CACNB2: variants seen among roughly 807,000 people sequenced by gnomAD.
CACNB2 encodes voltage-dependent L-type calcium channel subunit beta-2.
A neutral mutation model predicts 73.3 loss-of-function variants in CACNB2; 42 were observed. The observed-to-expected ratio is 0.57, with a 90% CI of 0.45 to 0.74. The LOEUF is 0.74. Ranked by LOEUF, CACNB2 falls within the 30% of genes least tolerant of loss-of-function variation. The pLI is 0.00. For missense variants in CACNB2, 940 were observed against 853.0 expected, an observed-to-expected ratio of 1.10 and a Z score of -1.27; for synonymous variants, 348 against 310.3, an observed-to-expected ratio of 1.12 and a Z score of -1.28.
intron 3 of CACNB2, among the ~76,000 whole-genome samples, chr10:18,442,578 G>A: frequency 6.6e-6 from 1 of 151,660 alleles, no homozygotes; most frequent in East Asian, 2.0e-4. Flanking sequence ...TGTAATCCCA[G>A]CACTTTGGGA....
chr10:18,244,372 C>T (rs887886863), intron 2 of CACNB2, among the ~76,000 whole-genome samples: 1 of 152,212 alleles, frequency 6.6e-6, no homozygotes. Flanking sequence ...TTAGAATCAT[C>T]AACCGCTTCT....
At chr10:18,153,328 G>T (rs1192613218) in intron 2 of CACNB2, among the ~76,000 whole-genome samples, 3 of 152,038 alleles carry the variant, frequency 2.0e-5, no homozygotes, top group Non-Finnish European at 2.9e-5. Flanking sequence ...TCAAATGCTG[G>T]CTTGCATCTG....
At chr10:18,271,047 T>A (rs117609140) in intron 2 of CACNB2, among the ~76,000 whole-genome samples, 3 of 152,338 alleles carry the variant, frequency 2.0e-5, no homozygotes, top group Non-Finnish European at 4.4e-5. Context: ...CTTCATTGAT[T>A]TATGTGATAT....
Position 18,341,873 on chromosome 10 carries a change from T to C in CACNB2, c.214-60051T>C, listed in dbSNP as rs537678360. ...AACTGAGATACTTTTTATGTGATTT[T>C]GATGATTCTTTTATTAGATTTTACT... On this transcript the variant is annotated intron_variant, in intron 2 of 13. Transcript: ENST00000324631. Among the ~76,000 whole-genome samples the C allele has an allele frequency of 7.9e-5, 12 of 152,350 alleles. No homozygotes were observed. The East Asian group carries it at 2.1e-3, about 27-fold the overall frequency.
Position 18,147,907 on chromosome 10 carries a change from A to G in CACNB2, c.121-2976A>G, listed in dbSNP as rs111650427. On this transcript the variant is annotated intron_variant, in intron 1 of 13. Transcript: ENST00000324631. Reference sequence around the variant, plus strand: ...TCGAGCAAGATGGACTTAATTTTAAATACACATTAGATTAAAATAAATTTA... The same window carrying G: ...TCGAGCAAGATGGACTTAATTTTAAGTACACATTAGATTAAAATAAATTTA... 3.7e-3 allele frequency among the ~76,000 whole-genome samples: 560 copies of G among 152,272 alleles called. 6 individuals are homozygous for G. The highest frequency in any genetic ancestry group is 0.013 in the African/African-American group (538 of 41,568).
chr10:18,304,684 C>G (rs1413562699), intron 2 of CACNB2, among the ~76,000 whole-genome samples: 3 of 152,214 alleles, frequency 2.0e-5, no homozygotes, highest in African/African-American at 7.2e-5. Flanking sequence ...CGATCATCCT[C>G]TCTGTATTCT....
intron 2 of CACNB2, among the ~76,000 whole-genome samples, chr10:18,271,691 A>G (rs758285198): frequency 1.2e-4 from 19 of 152,162 alleles, no homozygotes; most frequent in Non-Finnish European, 2.2e-4. Context: ...TTGTTGGTTT[A>G]GAGGCTTTCA....
intron 2 of CACNB2, among the ~76,000 whole-genome samples, chr10:18,294,877 A>C (rs2131796857): frequency 6.6e-6 from 1 of 152,336 alleles, no homozygotes; most frequent in East Asian, 1.9e-4. Context: ...CCTCTGTTCA[A>C]ATCCCCAGAG....
chr10:18,491,608 T>C (rs1193349518), intron 3 of CACNB2, among the ~76,000 whole-genome samples: 6 of 151,948 alleles, frequency 3.9e-5, no homozygotes, highest in Admixed American at 3.9e-4. Flanking sequence ...TCTGGTAGGC[T>C]TCCAGACCAA....
intron 3 of CACNB2, among the ~76,000 whole-genome samples, chr10:18,414,702 C>G (rs1438363986): frequency 1.3e-5 from 2 of 151,898 alleles, no homozygotes; most frequent in African/African-American, 2.4e-5. Context: ...CCAGGCTGCT[C>G]TCATAGACTT....
intron 2 of CACNB2, among the ~76,000 whole-genome samples, chr10:18,286,674 G>T (rs370478068): frequency 6.6e-5 from 10 of 152,080 alleles, no homozygotes; most frequent in East Asian, 3.9e-4. Flanking sequence ...GAATAATTCA[G>T]TGTGTATATA....
chr10:18,221,070 G>C (rs557267527), intron 2 of CACNB2, among the ~76,000 whole-genome samples: 2 of 152,314 alleles, frequency 1.3e-5, no homozygotes, highest in African/African-American at 2.4e-5. Flanking sequence ...CTTTTCTGTA[G>C]TTAGAGAGGC....
chr10:18,282,318 G>C (rs1259831588), intron 2 of CACNB2, among the ~76,000 whole-genome samples: 1 of 152,198 alleles, frequency 6.6e-6, no homozygotes, highest in Non-Finnish European at 1.5e-5. Flanking sequence ...GAGGTGGATT[G>C]ACAGAATGGA....
At chr10:18,216,810 C>A (rs1037967071) in intron 2 of CACNB2, among the ~76,000 whole-genome samples, 1 of 152,142 alleles carries the variant, frequency 6.6e-6, no homozygotes, top group South Asian at 2.1e-4. Flanking sequence ...ATGAAAAATT[C>A]CTTAAAAGCA....
intron 2 of CACNB2, among the ~76,000 whole-genome samples, chr10:18,244,917 C>A (rs2036802218): frequency 6.6e-6 from 1 of 152,054 alleles, no homozygotes; most frequent in Admixed American, 6.5e-5. Context: ...AAGTTGGAGT[C>A]AGAGAGGGAG....
chr10:18,321,005 T>C (rs1028246157), intron 2 of CACNB2, among the ~76,000 whole-genome samples: 12 of 152,340 alleles, frequency 7.9e-5, no homozygotes, highest in African/African-American at 2.9e-4. Context: ...TATTTTTCCT[T>C]CTAAGGCAAC....
chr10:18,290,068 A>G lies in CACNB2; in HGVS notation c.214-111856A>G, dbSNP rs370057338. On this transcript the variant is annotated intron_variant, in intron 2 of 13. Transcript: ENST00000324631. ...TTTGAGAGGTATATGACATCTCTGT[A>G]TCTTAATTTCCTTCTCTTTAAAGTT... Among the ~76,000 whole-genome samples, 11 of 119,316 alleles carry G rather than the reference A, an allele frequency of 9.2e-5. No homozygotes were observed. In the East Asian group the frequency reaches 1.8e-3, roughly 20 times the overall value. 78.3% of individuals were successfully genotyped at this position (119,316 alleles called of 152,430 possible).
chr10:18,423,420 GA>G (rs2045433577), intron 3 of CACNB2, among the ~76,000 whole-genome samples: 1 of 152,282 alleles, frequency 6.6e-6, no homozygotes, highest in African/African-American at 2.4e-5. Flanking sequence ...CCAGGAGAAA[GA>G]ATTCCCCCTG....
At chr10:18,503,123 T>C (rs2050298347) in intron 5 of CACNB2, among the ~76,000 whole-genome samples, 1 of 152,150 alleles carries the variant, frequency 6.6e-6, no homozygotes, top group South Asian at 2.1e-4. Context: ...TAAACTTTTG[T>C]TGAAAATGCA....
Sources: gnomAD v4.1 joint callset for allele counts (sites outside exome capture counted in the v4.1 genomes callset) on GRCh38, gnomAD v4.1.1 for gene constraint, MANE v1.5 for transcripts, NCBI Gene and HGNC (gene_info 2026-07-23, HGNC 2026-07-21) for gene names.